CHD1: variants seen among roughly 807,000 people sequenced by gnomAD.
CHD1 encodes the protein chromodomain helicase DNA binding protein 1, also known as ATP-dependent chromatin remodeler CHD1.
In CHD1, 36 loss-of-function variants were observed where a neutral mutation model predicts 224.2. The observed-to-expected ratio is 0.16, with a 90% confidence interval of 0.12 to 0.21. The LOEUF is 0.21. Ranked by LOEUF, CHD1 falls within the 10% of genes least tolerant of loss-of-function variation. The pLI, the probability that CHD1 is intolerant of heterozygous loss-of-function variation, is 1.00. For synonymous variants in CHD1, 668 were observed against 658.3 expected (o/e 1.01, Z -0.23); for missense variants, 1,378 against 1,994.8 (o/e 0.69, Z 5.89).
chr5:98,882,091 T>A lies in CHD1; in HGVS notation c.2751A>T (p.Ser917=), dbSNP rs200523558. 3 of 1,613,420 alleles carry A rather than the reference T, an allele frequency of 1.9e-6. No homozygotes were observed. The highest frequency in any genetic ancestry group is 2.5e-6 in the Non-Finnish European group (3 of 1,179,782). ...VNIYRLVTKG[S]VEEDILERAK... ...CCCTTTCAAGAATATCTTCTTCAAC[T>A]GATCCCTTTGTAACTAGACGATAAA... is the stretch of plus-strand genomic sequence containing the variant. Residue 917 remains serine (S), a synonymous_variant, in exon 20 of 36, where the codon TCA becomes TCT. Coordinates refer to ENST00000614616, the MANE Select transcript of CHD1 (RefSeq NM_001270.4).
intron 2 of CHD1, among the ~76,000 whole-genome samples, chr5:98,906,061 T>C (rs145371063): frequency 1.3e-5 from 2 of 152,122 alleles, no homozygotes; most frequent in Non-Finnish European, 2.9e-5. Context: ...TGCCACCAGA[T>C]GGAGGTATTA....
chr5:98,895,851 T>G (rs1333847455), intron 12 of CHD1, among the ~76,000 whole-genome samples: 3 of 151,896 alleles, frequency 2.0e-5, no homozygotes, highest in Admixed American at 2.0e-4. Flanking sequence ...GAGAACTTAT[T>G]TGTGGCAAGT....
Position 98,854,299 on chromosome 5 carries a change from A to G in CHD1, c.*2081T>C, listed in dbSNP as rs1747874709. The stretch of plus-strand genomic sequence containing the variant: ...TCAACTAAATGTAGCACTATTTAAA[A>G]AATTAGAGCCTTATCTCAGAAAATG... On this transcript the variant is annotated 3_prime_UTR_variant, in exon 36 of 36. Transcript: ENST00000614616. 6.6e-6 allele frequency: 1 copy of G among 152,090 alleles called. No individual in the cohort carries two copies. The highest frequency in any genetic ancestry group is 6.5e-5 in the Admixed American group (1 of 15,276). The allele number at this position is 152,090 out of a possible 1,614,324, so 9.4% of individuals were successfully genotyped here.
At position 98,928,660 on chromosome 5, in the gene CHD1, C is replaced by CG. The variant is rs1400077626; in HGVS notation, c.-271dup. 3 of 152,442 alleles carry CG rather than the reference C, an allele frequency of 2.0e-5. No individual in the cohort carries two copies. The highest frequency in any genetic ancestry group is 2.9e-5 in the Non-Finnish European group (2 of 68,282). 9.4% of individuals were successfully genotyped at this position (152,442 alleles called of 1,614,324 possible). A position where few individuals can be genotyped will look rare whatever the true frequency, so the allele number is the denominator to read the frequency against. ...GTCTCGGGGTAAGCAAGAGTCCGTGCGGGGGAGGGGGAAGGGGACAGACGC... is the reference window on the plus strand; with the variant it reads ...GTCTCGGGGTAAGCAAGAGTCCGTGCGGGGGGAGGGGGAAGGGGACAGACGC... On this transcript the variant is annotated 5_prime_UTR_variant, in exon 1 of 36. Transcript: ENST00000614616.
At chr5:98,921,950 G>C (rs1753124315) in intron 2 of CHD1, among the ~76,000 whole-genome samples, 1 of 152,076 alleles carries the variant, frequency 6.6e-6, no homozygotes, top group Admixed American at 6.5e-5. Flanking sequence ...AGGAGTTCAA[G>C]ACCACCAGCC....
chr5:98,902,694 T>G (rs887258425), intron 5 of CHD1, among the ~76,000 whole-genome samples: 2 of 152,024 alleles, frequency 1.3e-5, no homozygotes. Context: ...GATAAAGAAA[T>G]GGCATAATAC....
At chr5:98,886,749 A>G (rs1436775438) in intron 17 of CHD1, among the ~76,000 whole-genome samples, 1 of 152,110 alleles carries the variant, frequency 6.6e-6, no homozygotes, top group Non-Finnish European at 1.5e-5. Context: ...AAATTAAAAT[A>G]ATTTTTCTTT....
At chr5:98,894,012 A>T (rs971130622) in intron 13 of CHD1, among the ~76,000 whole-genome samples, 7 of 152,216 alleles carry the variant, frequency 4.6e-5, no homozygotes, top group African/African-American at 1.7e-4. Flanking sequence ...TCTTTGTACA[A>T]CTTTTATGAA....
intron 23 of CHD1, among the ~76,000 whole-genome samples, chr5:98,878,890 T>A (rs1458093279): frequency 6.6e-6 from 1 of 152,210 alleles, no homozygotes; most frequent in Non-Finnish European, 1.5e-5. Context: ...AATGCCGATA[T>A]TAGAAAAGAG....
intron 5 of CHD1, among the ~76,000 whole-genome samples, chr5:98,902,270 A>G (rs531850153): frequency 1.3e-5 from 2 of 152,266 alleles, no homozygotes; most frequent in African/African-American, 4.8e-5. Flanking sequence ...ACAGACTAAT[A>G]AAAGATACAA....
rs571784347 is a variant in CHD1, at chr5:98,873,072, C to G, written c.3572-517G>C. Among the ~76,000 whole-genome samples, 7 of 152,280 alleles carry G rather than the reference C, an allele frequency of 4.6e-5. No individual in the cohort carries two copies. In the East Asian group the frequency reaches 1.3e-3, roughly 29 times the overall value. On this transcript the variant is annotated intron_variant, in intron 26 of 35. Coordinates refer to ENST00000614616, the MANE Select transcript of CHD1 (RefSeq NM_001270.4). ...CAAACTCCTGGGTTCAAGCTAAACT[C>G]CCATCTCAGCCTCCAAAAGTGCTAG...
intron 4 of CHD1, 91 bp downstream of exon 4, chr5:98,903,701 C>T (rs1290598898): frequency 1.1e-6 from 1 of 895,438 alleles, no homozygotes; most frequent in African/African-American, 1.6e-5. Context: ...TCTTTCAAAG[C>T]ACTTATTATT....
chr5:98,895,979 G>A (rs1751319006), intron 12 of CHD1, among the ~76,000 whole-genome samples: 1 of 152,116 alleles, frequency 6.6e-6, no homozygotes, highest in South Asian at 2.1e-4. Flanking sequence ...GGCCAAGGGA[G>A]GCAGATCACT....
chr5:98,918,382 A>G (rs1752880841), intron 2 of CHD1, among the ~76,000 whole-genome samples: 1 of 151,294 alleles, frequency 6.6e-6, no homozygotes, highest in Non-Finnish European at 1.5e-5. Context: ...CAATGAATAA[A>G]CCTCAGGTAA....
chr5:98,858,537 G>C, intron 34 of CHD1, 147 bp from the exon 35 acceptor site: 1 of 637,270 alleles, frequency 1.6e-6, no homozygotes, highest in Non-Finnish European at 2.7e-6. Flanking sequence ...TAGAAATGGT[G>C]TATAAAAGCA....
At position 98,856,154 on chromosome 5, in the gene CHD1, CA is replaced by C. The variant is rs976859208; in HGVS notation, c.*225del. 71 of 367,704 alleles carry C rather than the reference CA, an allele frequency of 1.9e-4. No individual in the cohort carries two copies. The highest frequency in any genetic ancestry group is 2.8e-4 in the Non-Finnish European group (56 of 201,012). The allele number at this position is 367,704 out of a possible 1,614,324, so 22.8% of individuals were successfully genotyped here. ...TTTTCCATTTCTTTAAAAAAGAAAA[CA>C]AAAAAAAGTACTACAATTTTGTAGT... On this transcript the variant is annotated 3_prime_UTR_variant, in exon 36 of 36. Transcript: ENST00000614616.
intron 13 of CHD1, 34 bp from the exon 14 acceptor site, chr5:98,893,640 A>C: frequency 7.2e-7 from 1 of 1,382,656 alleles, no homozygotes; most frequent in Non-Finnish European, 9.9e-7. Flanking sequence ...TTTTGAGAGA[A>C]AAACGGAATT....
At chr5:98,894,780 G>T in intron 12 of CHD1, 94 bp from the exon 13 acceptor site, 1 of 559,416 alleles carries the variant, frequency 1.8e-6, no homozygotes, top group Non-Finnish European at 3.3e-6. Flanking sequence ...ATTCAAATAT[G>T]TAAGTAACTA....
In CHD1 at chr5:98,876,444, T is replaced by G. The variant is rs959672214; in HGVS notation, c.3352A>C (p.Ile1118Leu). Residue 1118 changes from isoleucine (I) to leucine (L), a missense_variant, in exon 24 of 36, where the codon ATT becomes CTT. Transcript: ENST00000614616. Reference sequence around the variant, plus strand: ...AATCCTTTAATATTCTCCCGAGGAATAGTCCGTGGTCTTCCACGTTTCTTT... The same window carrying G: ...AATCCTTTAATATTCTCCCGAGGAAGAGTCCGTGGTCTTCCACGTTTCTTT... ...RPKKRGRPRT[I>L]PRENIKGFSD... 6.2e-7 allele frequency: 1 copy of G among 1,614,052 alleles called. No homozygotes were observed. Among genetic ancestry groups the G allele is most frequent in the African/African-American group, 1.3e-5 (1 of 74,946 alleles).
Sources: allele counts gnomAD v4.1 joint callset (sites outside exome capture counted in the v4.1 genomes callset), GRCh38; gene constraint gnomAD v4.1.1; transcripts MANE v1.5; gene names NCBI Gene and HGNC (gene_info 2026-07-23, HGNC 2026-07-21).